The following DLGAP2 variants were observed in gnomAD, a reference collection of about 807,000 sequenced individuals.
DLGAP2 encodes the protein DLG associated protein 2, also known as disks large-associated protein 2.
In DLGAP2, 26 loss-of-function variants were observed where a neutral mutation model predicts 100.3. The ratio of observed to expected loss-of-function variants is 0.26; its 90% CI spans 0.19 to 0.36. The LOEUF is 0.36. DLGAP2 is among the 10% of genes least tolerant of loss of function. DLGAP2 has a pLI of 1.00. For synonymous variants in DLGAP2, 886 were observed against 630.1 expected (o/e 1.41, Z -6.08); for missense variants, 1,858 against 1,453.2 (o/e 1.28, Z -4.53).
At chr8:1,441,203 A>G (rs560933317) in intron 3 of DLGAP2, among the ~76,000 whole-genome samples, 1 of 152,236 alleles carries the variant, frequency 6.6e-6, no homozygotes, top group African/African-American at 2.4e-5. Context: ...TAATCTTTTC[A>G]TTAAAATGCA....
intron 3 of DLGAP2, among the ~76,000 whole-genome samples, chr8:1,330,008 C>T (rs942902315): frequency 6.6e-6 from 1 of 152,324 alleles, no homozygotes; most frequent in Non-Finnish European, 1.5e-5. Context: ...AGCTGCGGAC[C>T]CCAGGGACAG....
intron 3 of DLGAP2, among the ~76,000 whole-genome samples, chr8:1,328,598 G>A (rs1004047279): frequency 5.9e-5 from 9 of 152,074 alleles, no homozygotes; most frequent in East Asian, 3.9e-4. Flanking sequence ...TGATCTGCCC[G>A]CCTTGGCCTC....
chr8:985,517 G>A (rs11775231), intron 2 of DLGAP2, among the ~76,000 whole-genome samples: 6 of 152,300 alleles, frequency 3.9e-5, no homozygotes, highest in Admixed American at 3.9e-4. Context: ...CAGTTGCTTA[G>A]CAAGTATATG....
In DLGAP2 at chr8:1,496,855, T is replaced by C. The variant is rs536294328; in HGVS notation, c.107-4511T>C. On this transcript the variant is annotated intron_variant, in intron 3 of 14. Transcript: ENST00000637795. ...TGTGCGTTGCTGGAGGAGGGTTGGG[T>C]GTTGACTCCAAGGAAGCACCAGGGC... Among the ~76,000 whole-genome samples the C allele has an allele frequency of 6.6e-5, 10 of 152,228 alleles. No homozygotes were observed. The South Asian group carries it at 1.9e-3, about 28-fold the overall frequency.
intron 6 of DLGAP2, among the ~76,000 whole-genome samples, chr8:1,585,769 C>T (rs1047642158): frequency 6.6e-6 from 1 of 152,182 alleles, no homozygotes; most frequent in Non-Finnish European, 1.5e-5. Flanking sequence ...GCAGTCCATT[C>T]ATTAAATCAG....
chr8:1,066,084 A>C (rs1401407351), intron 2 of DLGAP2, among the ~76,000 whole-genome samples: 20 of 144,294 alleles, frequency 1.4e-4, no homozygotes, highest in African/African-American at 3.4e-4. Context: ...AGTTCCCCAC[A>C]ACGGTCAGGT....
chr8:1,421,706 C>G (rs1187933870), intron 3 of DLGAP2, among the ~76,000 whole-genome samples: 1 of 152,216 alleles, frequency 6.6e-6, no homozygotes, highest in African/African-American at 2.4e-5. Context: ...TGGCTCACGC[C>G]TGTAATCCCA....
At chr8:1,289,206 G>T (rs1003490146) in intron 3 of DLGAP2, among the ~76,000 whole-genome samples, 1 of 152,138 alleles carries the variant, frequency 6.6e-6, no homozygotes, top group African/African-American at 2.4e-5. Context: ...GGGAGTGAAG[G>T]ATTCATCAAA....
chr8:1,555,359 C>T (rs982618377), intron 5 of DLGAP2, among the ~76,000 whole-genome samples: 2 of 152,202 alleles, frequency 1.3e-5, no homozygotes, highest in Admixed American at 1.3e-4. Context: ...CCACGTGTGC[C>T]TGCCCCCCAC....
intron 5 of DLGAP2, 48 bp from the exon 6 acceptor site, chr8:1,565,635 G>C: frequency 2.7e-6 from 4 of 1,504,538 alleles, no homozygotes; most frequent in Non-Finnish European, 3.6e-6. Context: ...TGATGCTGCC[G>C]TTCTCAGTGA....
intron 2 of DLGAP2, among the ~76,000 whole-genome samples, chr8:1,188,751 G>A (rs1008434980): frequency 3.9e-5 from 6 of 152,218 alleles, no homozygotes; most frequent in African/African-American, 9.6e-5. Flanking sequence ...AGATGTCAGC[G>A]TCTGGAAAGA....
At chr8:1,522,644 C>G (rs748923255) in intron 4 of DLGAP2, among the ~76,000 whole-genome samples, 2 of 152,212 alleles carry the variant, frequency 1.3e-5, no homozygotes, top group African/African-American at 4.8e-5. Flanking sequence ...TGTAAAGTCA[C>G]CAGCAGAACC....
intron 1 of DLGAP2, among the ~76,000 whole-genome samples, chr8:847,425 T>C (rs572366754): frequency 1.2e-4 from 18 of 152,312 alleles, no homozygotes; most frequent in East Asian, 3.9e-4. Context: ...ACACTTTTTT[T>C]CCCTTCTTTT....
At chr8:1,195,302 C>T (rs1409678376) in intron 2 of DLGAP2, among the ~76,000 whole-genome samples, 1 of 152,178 alleles carries the variant, frequency 6.6e-6, no homozygotes, top group Non-Finnish European at 1.5e-5. Context: ...CCTGCACCCT[C>T]AGGAGCAGAG....
chr8:1,655,050 A>T (rs1798252722), intron 8 of DLGAP2, among the ~76,000 whole-genome samples: 1 of 152,240 alleles, frequency 6.6e-6, no homozygotes, highest in African/African-American at 2.4e-5. Flanking sequence ...TCTACATGTT[A>T]AATGCTGGTG....
chr8:1,436,402 C>T (rs1262152773), intron 3 of DLGAP2, among the ~76,000 whole-genome samples: 2 of 152,160 alleles, frequency 1.3e-5, no homozygotes, highest in Non-Finnish European at 2.9e-5. Context: ...CCTTCCTCTG[C>T]CTGCTTTTAT....
At chr8:793,263 A>T (rs1585868493) in intron 1 of DLGAP2, among the ~76,000 whole-genome samples, 1 of 152,232 alleles carries the variant, frequency 6.6e-6, no homozygotes, top group East Asian at 1.9e-4. Flanking sequence ...AATTTTACGG[A>T]GCATTGGAAT....
At chr8:1,261,035 G>A (rs1324566788) in intron 3 of DLGAP2, among the ~76,000 whole-genome samples, 5 of 152,330 alleles carry the variant, frequency 3.3e-5, no homozygotes, top group Admixed American at 6.5e-5. Flanking sequence ...GGGAGGAAAC[G>A]TGTTCGTTCC....
chr8:828,467 G>A (rs186852947), intron 1 of DLGAP2, among the ~76,000 whole-genome samples: 1,548 of 152,328 alleles, frequency 0.01, 7 homozygotes, highest in African/African-American at 0.021. Flanking sequence ...CCAGCTCACC[G>A]GTGGTCAGAG....
Sources: gnomAD v4.1 joint callset for allele counts (sites outside exome capture counted in the v4.1 genomes callset) on GRCh38, gnomAD v4.1.1 for gene constraint, MANE v1.5 for transcripts, NCBI Gene and HGNC (gene_info 2026-07-23, HGNC 2026-07-21) for gene names.